The following FAM184B variants were observed in gnomAD, a reference collection of about 807,000 sequenced individuals.
FAM184B encodes the protein family with sequence similarity 184 member B, also known as protein FAM184B.
FAM184B carries 111 observed loss-of-function variants against 135.9 expected under a neutral mutation model. That is an observed-to-expected ratio of 0.82 (90% CI 0.70 to 0.96). The LOEUF (loss-of-function observed/expected upper bound fraction) is 0.96. FAM184B is among the 40% of genes least tolerant of loss of function. The pLI is 0.00. For synonymous variants in FAM184B, 552 were observed against 524.8 expected (o/e 1.05, Z -0.71); for missense variants, 1,375 against 1,323.9 (o/e 1.04, Z -0.60).
intron 1 of FAM184B, among the ~76,000 whole-genome samples, chr4:17,729,128 G>A (rs1432724153): frequency 1.3e-5 from 2 of 152,184 alleles, no homozygotes; most frequent in Admixed American, 6.5e-5. Flanking sequence ...AGGGTCCTGC[G>A]CCCACGGAGT....
chr4:17,770,757 C>T (rs531364748), intron 1 of FAM184B, among the ~76,000 whole-genome samples: 10 of 152,248 alleles, frequency 6.6e-5, no homozygotes, highest in South Asian at 2.1e-4. Context: ...TGAGCCACCG[C>T]GCCCGGCCAG....
At chr4:17,636,460 C>T (rs1425141385) in intron 15 of FAM184B, 68 bp downstream of exon 15, 10 of 1,204,466 alleles carry the variant, frequency 8.3e-6, no homozygotes, top group South Asian at 5.2e-5. Context: ...TGCAAGTGAA[C>T]GCCCCTCCCG....
chr4:17,766,707 T>A (rs548728471), intron 1 of FAM184B, among the ~76,000 whole-genome samples: 21 of 152,242 alleles, frequency 1.4e-4, no homozygotes, highest in Non-Finnish European at 2.9e-4. Flanking sequence ...ATAAAGATTC[T>A]CCAAGTCCCT....
At chr4:17,708,862 T>G in intron 2 of FAM184B, 30 bp downstream of exon 2, 1 of 1,477,370 alleles carries the variant, frequency 6.8e-7, no homozygotes, top group Non-Finnish European at 9.0e-7. Flanking sequence ...ATTTATCCCT[T>G]TGGGGTTGTA....
At chr4:17,636,836 C>T (rs977817541) in intron 14 of FAM184B, among the ~76,000 whole-genome samples, 191 bp from the exon 15 acceptor site, 1 of 152,148 alleles carries the variant, frequency 6.6e-6, no homozygotes, top group Non-Finnish European at 1.5e-5. Context: ...TCTGTCAGGT[C>T]CCCTGAGGCT....
chr4:17,750,057 T>G (rs575159096), intron 1 of FAM184B, among the ~76,000 whole-genome samples: 1 of 152,366 alleles, frequency 6.6e-6, no homozygotes, highest in East Asian at 1.9e-4. Context: ...AGAATAAAGA[T>G]CTGCATTAAA....
intron 1 of FAM184B, among the ~76,000 whole-genome samples, chr4:17,726,037 T>C (rs4453930): frequency 0.98 from 148,333 of 151,974 alleles, 72,489 homozygotes; most frequent in Middle Eastern, 1. Flanking sequence ...CATTCTCCTG[T>C]GTCAGCCTCC....
intron 1 of FAM184B, among the ~76,000 whole-genome samples, chr4:17,736,815 T>C (rs1717920062): frequency 1.3e-5 from 2 of 152,172 alleles, no homozygotes; most frequent in African/African-American, 4.8e-5. Flanking sequence ...GGCTGCCATG[T>C]GCCCAGAAAA....
chr4:17,776,011 C>T (rs908790345), intron 1 of FAM184B, among the ~76,000 whole-genome samples: 28 of 152,034 alleles, frequency 1.8e-4, no homozygotes, highest in African/African-American at 4.1e-4. Flanking sequence ...AAAATAAATA[C>T]GTATTTTAGA....
intron 6 of FAM184B, among the ~76,000 whole-genome samples, chr4:17,689,262 A>C (rs1268142643): frequency 6.6e-6 from 1 of 152,204 alleles, no homozygotes; most frequent in Non-Finnish European, 1.5e-5. Flanking sequence ...CTAAAAGTGT[A>C]AGGCCTTAAT....
chr4:17,640,977 A>T (rs1715292577), intron 13 of FAM184B, among the ~76,000 whole-genome samples: 1 of 151,544 alleles, frequency 6.6e-6, no homozygotes, highest in South Asian at 2.1e-4. Context: ...TCTGCCGCCC[A>T]GGCTGAAGTG....
intron 16 of FAM184B, 38 bp from the exon 17 acceptor site, chr4:17,633,926 C>A: frequency 2.3e-6 from 3 of 1,305,360 alleles, no homozygotes; most frequent in Admixed American, 4.3e-5. Flanking sequence ...CAATGCAATG[C>A]AAAAAACAAA....
At chr4:17,647,490 T>A in intron 12 of FAM184B, 147 bp downstream of exon 12, 1 of 968,942 alleles carries the variant, frequency 1.0e-6, no homozygotes. Context: ...CCTCAAGTGG[T>A]TCTCTGGCTT....
chr4:17,697,350 C>T lies in FAM184B; in HGVS notation c.1378-3938G>A, dbSNP rs142479814. ...CTATGGGGCCAAGCCCAGCCTAGGC[C>T]AGTGACTCTGGGGAGGCCCTTAGCA... On this transcript the variant is annotated intron_variant, in intron 5 of 17. Transcript: ENST00000265018. Among the ~76,000 whole-genome samples the T allele has an allele frequency of 2.5e-3, 386 of 152,112 alleles. 1 individual carries two copies. Among genetic ancestry groups the T allele is most frequent in the African/African-American group, 8.7e-3 (361 of 41,486 alleles).
intron 1 of FAM184B, among the ~76,000 whole-genome samples, chr4:17,742,637 G>C (rs550489111): frequency 6.6e-6 from 1 of 152,148 alleles, no homozygotes; most frequent in Non-Finnish European, 1.5e-5. Context: ...CGCGAGCAGA[G>C]AAGCAACTGA....
Position 17,635,122 on chromosome 4 carries a change from C to T in FAM184B, c.2785-9G>A, listed in dbSNP as rs1001499153. 13 of 1,547,130 alleles carry T rather than the reference C, an allele frequency of 8.4e-6. No homozygotes were observed. In the African/African-American group the frequency reaches 1.2e-4, roughly 15 times the overall value. On this transcript the variant is annotated splice_polypyrimidine_tract_variant and intron_variant, in intron 15 of 17. Coordinates refer to ENST00000265018, the MANE Select transcript of FAM184B (RefSeq NM_015688.2). ...TGAAATCTTCTCTCTTCCTAGAAAA[C>T]CAATACAACTGAGTCTAAATGAGCC...
rs201695098 is a variant in FAM184B, at chr4:17,781,194, C to T, written c.106G>A (p.Val36Met). 2 of 1,549,938 alleles carry T rather than the reference C, an allele frequency of 1.3e-6. No individual in the cohort carries two copies. Among genetic ancestry groups the T allele is most frequent in the Non-Finnish European group, 1.7e-6 (2 of 1,146,178 alleles). Reference protein sequence around the residue: ...WRMDCDPQMHVKMCKKIAQLT... With the variant: ...WRMDCDPQMHMKMCKKIAQLT... ...TGGGCGATCTTCTTGCACATTTTCA[C>T]GTGCATCTGGGGATCACAGTCCATT... The change falls in exon 1 of 18, where the codon GTG becomes ATG. Residue 36 changes from valine (V) to methionine (M), a missense_variant. Coordinates refer to ENST00000265018, the MANE Select transcript of FAM184B (RefSeq NM_015688.2). The surrounding 1 kb of genome is among the most constrained non-coding windows in gnomAD (Gnocchi z 6.5).
chr4:17,721,395 A>AAAAAAAAAAAAAAAAAAAAAAAAAAAG (rs1717524736), intron 1 of FAM184B, among the ~76,000 whole-genome samples: 1 of 149,480 alleles, frequency 6.7e-6, no homozygotes. Flanking sequence ...AAAAAAAAAA[A>AAAAAAAAAAAAAAAAAAAAAAAAAAAG]AAAAAAAAAA....
At chr4:17,706,781 TATTTA>T (rs1340104669) in intron 3 of FAM184B, among the ~76,000 whole-genome samples, 2 of 151,664 alleles carry the variant, frequency 1.3e-5, no homozygotes, top group Non-Finnish European at 2.9e-5. Flanking sequence ...CAATACTTTG[TATTTA>T]ATTTAATTTT....
Sources: allele counts gnomAD v4.1 joint callset (sites outside exome capture counted in the v4.1 genomes callset), GRCh38; gene constraint gnomAD v4.1.1; non-coding constraint Gnocchi (gnomAD v3.1); transcripts MANE v1.5; gene names NCBI Gene and HGNC (gene_info 2026-07-23, HGNC 2026-07-21).